C4orf33: variants seen among roughly 807,000 people sequenced by gnomAD.
The protein encoded by C4orf33 is UPF0462 protein C4orf33.
In C4orf33, 20 loss-of-function variants were observed where a neutral mutation model predicts 24.3. The observed-to-expected ratio is 0.82, with a 90% CI of 0.58 to 1.19. The LOEUF is 1.19. C4orf33 is among the 50% of genes most tolerant of loss of function. The pLI, the probability that C4orf33 is intolerant of heterozygous loss-of-function variation, is 0.00. For missense variants in C4orf33, 207 were observed against 225.9 expected (o/e 0.92, Z 0.54); for synonymous variants, 67 against 76.4 (o/e 0.88, Z 0.64).
Position 129,113,377 on chromosome 4 carries a change from C to G in C4orf33, c.*1586C>G, listed in dbSNP as rs73848915. The G allele has an allele frequency of 6.6e-5, 10 of 152,296 alleles. No homozygotes were observed. The highest frequency in any genetic ancestry group is 2.4e-4 in the African/African-American group (10 of 41,586). 9.4% of individuals were successfully genotyped at this position (152,296 alleles called of 1,614,324 possible). On this transcript the variant is annotated 3_prime_UTR_variant, in exon 6 of 6. Coordinates refer to ENST00000425929, the MANE Select transcript of C4orf33 (RefSeq NM_001099783.2). Reference sequence around the variant, plus strand: ...CTTTTGAAAGGAACATGCATATCAACTACAGAATTTCGGAAAGCTTGTCCA... The same window carrying G: ...CTTTTGAAAGGAACATGCATATCAAGTACAGAATTTCGGAAAGCTTGTCCA...
Position 129,106,587 on chromosome 4 carries a change from T to C in C4orf33, c.182T>C (p.Val61Ala), listed in dbSNP as rs765829874. 10 of 1,502,984 alleles carry C rather than the reference T, an allele frequency of 6.7e-6. No homozygotes were observed. The South Asian group carries it at 1.2e-4, about 18-fold the overall frequency. 93.1% of individuals were successfully genotyped at this position (1,502,984 alleles called of 1,614,324 possible). A position where few individuals can be genotyped will look rare whatever the true frequency, so the allele number is the denominator to read the frequency against. ...TATGTTATATCTCTGTTTTCAAAAG[T>C]TGTGGAAGCATTTTTCTTGAATGAT... ...KPFNELWDYE[V>A]VEAFFLNDIT... Residue 61 changes from valine (V) to alanine (A), a missense_variant and splice_region_variant, in exon 3 of 6, where the codon GTT becomes GCT. Physicochemically the swap from Val to Ala is moderately conservative, Grantham distance 64 (BLOSUM62 0). Coordinates refer to ENST00000425929, the MANE Select transcript of C4orf33 (RefSeq NM_001099783.2).
chr4:129,114,775 G>C lies in C4orf33; in HGVS notation c.*2984G>C, dbSNP rs771091277. On this transcript the variant is annotated 3_prime_UTR_variant, in exon 6 of 6. Coordinates refer to ENST00000425929, the MANE Select transcript of C4orf33 (RefSeq NM_001099783.2). Reference sequence around the variant, plus strand: ...AGCCATCTAGTCATAATGACTCTTCGTGTCAACTGTTCAGCAGGCAAATAG... The same window carrying C: ...AGCCATCTAGTCATAATGACTCTTCCTGTCAACTGTTCAGCAGGCAAATAG... 6.6e-6 allele frequency: 1 copy of C among 152,208 alleles called. No homozygotes were observed. The highest frequency in any genetic ancestry group is 1.5e-5 in the Non-Finnish European group (1 of 68,076). The allele number at this position is 152,208 out of a possible 1,614,324, so 9.4% of individuals were successfully genotyped here.
chr4:129,105,497 A>G (rs1390167393), intron 2 of C4orf33, among the ~76,000 whole-genome samples: 1 of 152,224 alleles, frequency 6.6e-6, no homozygotes, highest in South Asian at 2.1e-4. Context: ...TAATTTGTCT[A>G]TATAAAAGAT....
intron 1 of C4orf33, chr4:129,102,313 G>A (rs1753379550): frequency 4.5e-6 from 1 of 224,322 alleles, no homozygotes; most frequent in Admixed American, 5.6e-5. Context: ...CACTTTTCAT[G>A]TTGAGGTCGA....
intron 2 of C4orf33, chr4:129,103,011 T>C: frequency 5.9e-6 from 2 of 336,482 alleles, no homozygotes; most frequent in East Asian, 5.4e-5. Flanking sequence ...CAATTACAAA[T>C]CCAGATTTTT....
rs1554010294 is a variant in C4orf33, at chr4:129,115,818, A to ATAATATATATGTTTATATAT, written c.*4029_*4030insATATATATGTTTATATATTA. 5.3e-5 allele frequency: 5 copies of ATAATATATATGTTTATATAT among 94,870 alleles called. No homozygotes were observed. The highest frequency in any genetic ancestry group is 1.7e-4 in the African/African-American group (5 of 29,292). 5.9% of individuals were successfully genotyped at this position (94,870 alleles called of 1,614,324 possible). The stretch of plus-strand genomic sequence containing the variant: ...TCTAACTAAATATATATATATATAT[A>ATAATATATATGTTTATATAT]TATATATATATAAAATATATATGTT... On this transcript the variant is annotated 3_prime_UTR_variant, in exon 6 of 6. Coordinates refer to ENST00000425929, the MANE Select transcript of C4orf33 (RefSeq NM_001099783.2).
chr4:129,112,925 G>A lies in C4orf33; in HGVS notation c.*1134G>A, dbSNP rs1013261419. The A allele has an allele frequency of 6.6e-6, 1 of 152,074 alleles. No individual in the cohort carries two copies. Among genetic ancestry groups the A allele is most frequent in the Non-Finnish European group, 1.5e-5 (1 of 67,990 alleles). 9.4% of individuals were successfully genotyped at this position (152,074 alleles called of 1,614,324 possible). A position where few individuals can be genotyped will look rare whatever the true frequency, so the allele number is the denominator to read the frequency against. On this transcript the variant is annotated 3_prime_UTR_variant, in exon 6 of 6. Transcript: ENST00000425929. ...ACTGACAATAGCAACTAATTAATTT[G>A]ATATAGAAACGATCTGCCTGTTTTA...
At position 129,115,802 on chromosome 4, in the gene C4orf33, A is replaced by C. The variant is rs1190173253; in HGVS notation, c.*4011A>C. 6.2e-5 allele frequency: 1 copy of C among 16,126 alleles called. No homozygotes were observed. The highest frequency in any genetic ancestry group is 3.0e-4 in the Non-Finnish European group (1 of 3,384). The allele number at this position is 16,126 out of a possible 1,614,324, so 1.0% of individuals were successfully genotyped here. ...TGTGCCTAACAAATCTTCTAACTAAATATATATATATATATATATATATAT... is the reference window on the plus strand; with the variant it reads ...TGTGCCTAACAAATCTTCTAACTAACTATATATATATATATATATATATAT... On this transcript the variant is annotated 3_prime_UTR_variant, in exon 6 of 6. Transcript: ENST00000425929.
At chr4:129,106,161 G>A (rs114680605) in intron 2 of C4orf33, among the ~76,000 whole-genome samples, 2,012 of 152,120 alleles carry the variant, frequency 0.013, 61 homozygotes, top group African/African-American at 0.047. Flanking sequence ...GAGAATAAGA[G>A]ATAATCTTAT....
rs1561095059 is a variant in C4orf33, at chr4:129,115,831, A to ATATATATATATATAT, written c.*4040_*4041insTATATATATATATAT. The ATATATATATATATAT allele has an allele frequency of 2.1e-3, 92 of 43,708 alleles. No homozygotes were observed. The highest frequency in any genetic ancestry group is 4.8e-3 in the African/African-American group (82 of 17,204). The allele number at this position is 43,708 out of a possible 1,614,324, so 2.7% of individuals were successfully genotyped here. A position where few individuals can be genotyped will look rare whatever the true frequency, so the allele number is the denominator to read the frequency against. On this transcript the variant is annotated 3_prime_UTR_variant, in exon 6 of 6. Coordinates refer to ENST00000425929, the MANE Select transcript of C4orf33 (RefSeq NM_001099783.2). The stretch of plus-strand genomic sequence containing the variant: ...ATATATATATATATATATATATATA[A>ATATATATATATATAT]AATATATATGTTTATATATAACATA...
rs191190723 is a variant in C4orf33 at position 129,109,832 on chromosome 4, G to A, written c.494+160G>A. ...CACTGATGGTCCTCAGAAAATACTT[G>A]GAAAACTTTGGACTGTCATAATCTC... On this transcript the variant is annotated intron_variant, in intron 5 of 5. Coordinates refer to ENST00000425929, the MANE Select transcript of C4orf33 (RefSeq NM_001099783.2). 2.9e-4 allele frequency: 265 copies of A among 914,254 alleles called. 1 individual carries two copies. The African/African-American group carries it at 4.0e-3, about 14-fold the overall frequency. 56.6% of individuals were successfully genotyped at this position (914,254 alleles called of 1,614,324 possible).
chr4:129,111,662 C>T (rs376994692), intron 5 of C4orf33, 24 bp from the exon 6 acceptor site: 17 of 1,403,972 alleles, frequency 1.2e-5, no homozygotes, highest in South Asian at 2.4e-5. Flanking sequence ...TTTCAATTCC[C>T]ACCTTCTTTT....
At chr4:129,101,039 G>A (rs1470935583) in intron 1 of C4orf33, among the ~76,000 whole-genome samples, 1 of 152,064 alleles carries the variant, frequency 6.6e-6, no homozygotes, top group African/African-American at 2.4e-5. Context: ...CACTCATTGA[G>A]CTTCTATCAA....
chr4:129,103,226 A>T (rs1753416010), intron 2 of C4orf33, among the ~76,000 whole-genome samples: 1 of 151,808 alleles, frequency 6.6e-6, no homozygotes, highest in Non-Finnish European at 1.5e-5. Context: ...TCACTGTGTT[A>T]GCCAGGATGG....
rs567713348 is a variant in C4orf33, at chr4:129,101,294, T to C, written c.-9-1308T>C. On this transcript the variant is annotated intron_variant, in intron 1 of 5. Transcript: ENST00000425929. The stretch of plus-strand genomic sequence containing the variant: ...TAGCTCGTAGGAGGTTTTCAATACG[T>C]ATTCACTGAATTAAATTTATTCCAA... Among the ~76,000 whole-genome samples the C allele has an allele frequency of 7.0e-4, 107 of 152,298 alleles. 2 individuals carry two copies. Among genetic ancestry groups the C allele is most frequent in the African/African-American group, 2.5e-3 (104 of 41,568 alleles).
chr4:129,109,657 G>A lies in C4orf33; in HGVS notation c.479G>A (p.Gly160Glu). ...GTACCTCAGCATGAACTGCAGCAAG[G>A]ACAAAAACCTGATTTGTAAGTAGAA... ...YPVPQHELQQ[G>E]QKPDFHCLEY... is the part of the protein sequence containing the mutation. The change falls in exon 5 of 6, where the codon GGA becomes GAA. Residue 160 changes from glycine (G) to glutamate (E), a missense_variant. By Grantham distance (98) the Gly-to-Glu change is moderately conservative. Coordinates refer to ENST00000425929, the MANE Select transcript of C4orf33 (RefSeq NM_001099783.2). 1 of 1,612,536 alleles carries A rather than the reference G, an allele frequency of 6.2e-7. No individual in the cohort carries two copies. Among genetic ancestry groups the A allele is most frequent in the Non-Finnish European group, 8.5e-7 (1 of 1,179,456 alleles).
At chr4:129,096,409 G>A (rs1753208875) in intron 1 of C4orf33, 200 bp downstream of exon 1, 1 of 152,306 alleles carries the variant, frequency 6.6e-6, no homozygotes, top group East Asian at 1.9e-4. Flanking sequence ...CCTCGGGGAG[G>A]TATGGAAACT....
chr4:129,094,433 A>G (rs1372648501), upstream of C4orf33, among the ~76,000 whole-genome samples: 1 of 152,230 alleles, frequency 6.6e-6, no homozygotes, highest in African/African-American at 2.4e-5. Flanking sequence ...AAGTTTCACT[A>G]AACAGGCATG....
Position 129,102,506 on chromosome 4 carries a change from C to T in C4orf33, c.-9-96C>T, listed in dbSNP as rs1304625419. The T allele has an allele frequency of 6.9e-6, 6 of 875,394 alleles. No homozygotes were observed. The East Asian group carries it at 8.1e-5, about 12-fold the overall frequency. The allele number at this position is 875,394 out of a possible 1,614,324, so 54.2% of individuals were successfully genotyped here. ...GCTCTTGCCACTCTGCTGCCTTTCC[C>T]GTCTGCTGTTTGGCATTGAAATTTT... On this transcript the variant is annotated intron_variant, in intron 1 of 5. Coordinates refer to ENST00000425929, the MANE Select transcript of C4orf33 (RefSeq NM_001099783.2).
Sources: allele counts gnomAD v4.1 joint callset (sites outside exome capture counted in the v4.1 genomes callset), GRCh38; gene constraint gnomAD v4.1.1; transcripts MANE v1.5; gene names NCBI Gene and HGNC (gene_info 2026-07-23, HGNC 2026-07-21).